TXLNB: variants seen among roughly 807,000 people sequenced by gnomAD.
TXLNB encodes the protein taxilin beta.
In TXLNB, 37 loss-of-function variants were observed where a neutral mutation model predicts 57.4. That is an observed-to-expected ratio of 0.64 (90% CI 0.50 to 0.85). The LOEUF is 0.85. TXLNB is among the 40% of genes least tolerant of loss of function. The probability of loss-of-function intolerance (pLI) is 0.00; values close to 1 mark genes in which losing one functional copy is unlikely to be tolerated. For missense variants in TXLNB, 848 were observed against 825.6 expected (o/e 1.03, Z -0.33); for synonymous variants, 302 against 309.6 (o/e 0.98, Z 0.26).
rs1171621645 is a variant in TXLNB, at chr6:139,242,618, G to A, written c.1963C>T (p.Pro655Ser). The A allele has an allele frequency of 2.5e-6, 4 of 1,595,638 alleles. No homozygotes were observed. In the Admixed American group the frequency reaches 7.0e-5, roughly 28 times the overall value. Reference protein sequence around the residue: ...VPACEPSRQPPRAAAEELPVG... With the variant: ...VPACEPSRQPSRAAAEELPVG... Reference sequence around the variant, plus strand: ...GGCAGCTCCTCTGCTGCTGCTCGTGGGGGCTGCCTACTGGGCTCGCATGCA... The same window carrying A: ...GGCAGCTCCTCTGCTGCTGCTCGTGAGGGCTGCCTACTGGGCTCGCATGCA... The change falls in exon 10 of 10, where the codon CCA becomes TCA. Residue 655 changes from proline (P) to serine (S), a missense_variant. Transcript: ENST00000358430.
intron 4 of TXLNB, among the ~76,000 whole-genome samples, chr6:139,266,324 A>G (rs916374093): frequency 1.3e-5 from 2 of 152,214 alleles, no homozygotes; most frequent in African/African-American, 2.4e-5. Flanking sequence ...TATTATAACT[A>G]TGGTCAATGA....
chr6:139,167,454 A>T, the TXLNB span: 3 of 759,976 alleles, frequency 3.9e-6, no homozygotes, highest in East Asian at 8.2e-5. Context: ...GCTAGGTAAC[A>T]TTTGAATATT....
rs774478197 is a variant in TXLNB at position 139,260,296 on chromosome 6, C to T, written c.1002+22G>A. 12 of 1,613,226 alleles carry T rather than the reference C, an allele frequency of 7.4e-6. No homozygotes were observed. In the Admixed American group the frequency reaches 2.0e-4, roughly 27 times the overall value. ...GACACTGAGGTAGACCAGATATGCA[C>T]AACGACTAAAATGATAAATACATAT... On this transcript the variant is annotated intron_variant, in intron 6 of 9. Coordinates refer to ENST00000358430, the MANE Select transcript of TXLNB (RefSeq NM_153235.4).
At position 139,276,843 on chromosome 6, in the gene TXLNB, T is replaced by G. The variant is rs770468909; in HGVS notation, c.503A>C (p.Lys168Thr). 6.2e-7 allele frequency: 1 copy of G among 1,608,222 alleles called. No individual in the cohort carries two copies. Among genetic ancestry groups the G allele is most frequent in the Non-Finnish European group, 8.5e-7 (1 of 1,178,116 alleles). ...CCAAGATCTTACCAATTCAGCATAC[T>G]TCTTGAATAAAAAATCAAACTTTTC... ...PEEKFDFLFK[K>T]YAELLDEHRT... The change falls in exon 3 of 10, where the codon AAG becomes ACG. Residue 168 changes from lysine (K) to threonine (T), a missense_variant. Physicochemically the swap from Lys to Thr is moderately conservative, Grantham distance 78 (BLOSUM62 -1). Transcript: ENST00000358430.
the TXLNB span, among the ~76,000 whole-genome samples, chr6:139,217,874 A>G: frequency 6.6e-6 from 1 of 151,708 alleles, no homozygotes; most frequent in South Asian, 2.1e-4. Context: ...CAAAAAAAAA[A>G]AAAAAAAAAA....
At chr6:139,249,687 G>A (rs1776148597) in intron 7 of TXLNB, among the ~76,000 whole-genome samples, 1 of 152,128 alleles carries the variant, frequency 6.6e-6, no homozygotes, top group African/African-American at 2.4e-5. Context: ...TATCTAGAAT[G>A]GGTTTTCCCC....
chr6:139,195,237 C>A, the TXLNB span, among the ~76,000 whole-genome samples: 10 of 152,166 alleles, frequency 6.6e-5, no homozygotes, highest in Non-Finnish European at 1.5e-4. Context: ...CCCATGTCCA[C>A]TTTTTAAACA....
chr6:139,213,657 A>G, the TXLNB span, among the ~76,000 whole-genome samples: 8 of 152,322 alleles, frequency 5.3e-5, no homozygotes, highest in Non-Finnish European at 1.0e-4. Flanking sequence ...TAGAGACACA[A>G]AAAACCCTTC....
chr6:139,194,844 T>G, the TXLNB span, among the ~76,000 whole-genome samples: 2 of 152,250 alleles, frequency 1.3e-5, no homozygotes, highest in African/African-American at 4.8e-5. Context: ...GTTACTACTC[T>G]TTCCCTTGCT....
At chr6:139,219,035 A>G in the TXLNB span, among the ~76,000 whole-genome samples, 1 of 152,164 alleles carries the variant, frequency 6.6e-6, no homozygotes, top group African/African-American at 2.4e-5. Flanking sequence ...TCATACTTCT[A>G]TCCCGGTGCC....
chr6:139,293,186 G>C (rs1331144268), upstream of TXLNB, among the ~76,000 whole-genome samples: 4 of 152,022 alleles, frequency 2.6e-5, no homozygotes, highest in Non-Finnish European at 5.9e-5. Context: ...CAACCTCCCG[G>C]GTTCAAGCGA....
intron 4 of TXLNB, among the ~76,000 whole-genome samples, chr6:139,264,996 A>C (rs1309656919): frequency 2.6e-5 from 4 of 152,210 alleles, no homozygotes; most frequent in Admixed American, 6.5e-5. Context: ...ACATTATTCA[A>C]AGTCAAAATA....
intron 2 of TXLNB, among the ~76,000 whole-genome samples, chr6:139,280,660 C>T (rs1777024729): frequency 6.8e-6 from 1 of 146,380 alleles, no homozygotes; most frequent in South Asian, 2.2e-4. Flanking sequence ...CAAAAGTATG[C>T]CTTTTCTCTT....
the TXLNB span, among the ~76,000 whole-genome samples, chr6:139,170,894 G>A: frequency 2.0e-5 from 3 of 152,102 alleles, no homozygotes; most frequent in East Asian, 1.9e-4. Context: ...GATAAAAGGT[G>A]TGGACAGAAT....
At chr6:139,172,140 T>A in the TXLNB span, among the ~76,000 whole-genome samples, 5 of 152,180 alleles carry the variant, frequency 3.3e-5, no homozygotes, top group Non-Finnish European at 7.3e-5. Flanking sequence ...CCTAAACTTT[T>A]TTAAGAGATG....
the TXLNB span, chr6:139,170,021 C>T: frequency 6.6e-6 from 1 of 152,170 alleles, no homozygotes; most frequent in Non-Finnish European, 1.5e-5. Context: ...TACTTTCTGA[C>T]TTCATATAGT....
At chr6:139,307,614 T>C in the TXLNB span, among the ~76,000 whole-genome samples, 1 of 152,240 alleles carries the variant, frequency 6.6e-6, no homozygotes, top group African/African-American at 2.4e-5. Context: ...GAATGTAACA[T>C]ACTTTTCCAA....
the TXLNB span, among the ~76,000 whole-genome samples, chr6:139,159,559 A>G: frequency 6.6e-6 from 1 of 152,026 alleles, no homozygotes; most frequent in Non-Finnish European, 1.5e-5. Flanking sequence ...CCCGACAGAG[A>G]AGGCCTGGAC....
the TXLNB span, among the ~76,000 whole-genome samples, chr6:139,316,456 T>C: frequency 3.3e-5 from 5 of 152,192 alleles, no homozygotes; most frequent in Admixed American, 2.0e-4. Flanking sequence ...TTTCTGCTAG[T>C]AATTTTTTTT....
Sources: allele counts gnomAD v4.1 joint callset (sites outside exome capture counted in the v4.1 genomes callset), GRCh38; gene constraint gnomAD v4.1.1; transcripts MANE v1.5; gene names NCBI Gene and HGNC (gene_info 2026-07-23, HGNC 2026-07-21).